Variants in ACSF3 observed in about 807,000 individuals in gnomAD.
ACSF3 encodes acyl-CoA synthetase family member 3, also known as malonate--CoA ligase ACSF3, mitochondrial.
A neutral mutation model predicts 53.2 loss-of-function variants in ACSF3; 78 were observed. The observed-to-expected ratio is 1.47, with a 90% confidence interval of 1.22 to 1.77. The LOEUF (loss-of-function observed/expected upper bound fraction) is 1.77. Among genes scored for constraint, ACSF3 ranks in the 40% most tolerant of loss-of-function variants. ACSF3 has a pLI of 0.00. For synonymous variants in ACSF3, 414 were observed against 333.1 expected, an observed-to-expected ratio of 1.24 and a Z score of -2.65; for missense variants, 937 against 771.1, an observed-to-expected ratio of 1.22 and a Z score of -2.55.
chr16:89,141,827 A>G (rs916942551), intron 8 of ACSF3, among the ~76,000 whole-genome samples: 1 of 152,152 alleles, frequency 6.6e-6, no homozygotes, highest in African/African-American at 2.4e-5. Flanking sequence ...AGGGCCCTGC[A>G]CGCCACACAC....
chr16:89,127,144 A>T (rs1419078467), intron 7 of ACSF3, among the ~76,000 whole-genome samples: 4 of 151,970 alleles, frequency 2.6e-5, no homozygotes, highest in Non-Finnish European at 5.9e-5. Flanking sequence ...GTATTTTTGC[A>T]TCTGTATTCA....
rs889318152 is a variant in ACSF3 at position 89,118,842 on chromosome 16, G to A, written c.1127-1959G>A. Among the ~76,000 whole-genome samples the A allele has an allele frequency of 2.6e-5, 4 of 152,204 alleles. No individual in the cohort carries two copies. The East Asian group carries it at 5.8e-4, about 22-fold the overall frequency. The stretch of plus-strand genomic sequence containing the variant: ...GCTGGCTGACAGCGATTTTAGAGGT[G>A]GGCTGTGGCAGGAAGGCAGTGCCCC... On this transcript the variant is annotated intron_variant, in intron 6 of 10. Coordinates refer to ENST00000614302, the MANE Select transcript of ACSF3 (RefSeq NM_001243279.3).
At chr16:89,128,401 T>C (rs7197285) in intron 7 of ACSF3, among the ~76,000 whole-genome samples, 138,389 of 151,736 alleles carry the variant, frequency 0.91, 63,871 homozygotes, top group Non-Finnish European at 0.96. Context: ...GCTGGGAGTA[T>C]AGGCATGCGC....
At chr16:89,135,873 C>A (rs181964036) in intron 8 of ACSF3, among the ~76,000 whole-genome samples, 1 of 152,378 alleles carries the variant, frequency 6.6e-6, no homozygotes, top group East Asian at 1.9e-4. Context: ...CTCTCGGGTT[C>A]AAGCAATTCT....
At position 89,102,525 on chromosome 16, in the gene ACSF3, C is replaced by T. The variant is rs1597897415; in HGVS notation, c.667-79C>T. 3 of 1,559,302 alleles carry T rather than the reference C, an allele frequency of 1.9e-6. 1 individual carries two copies. The highest frequency in any genetic ancestry group is 1.3e-5 in the African/African-American group (1 of 74,084). On this transcript the variant is annotated intron_variant, in intron 3 of 10. Transcript: ENST00000614302. ...CAGTGGGGAGGCCCAGAGCTCCTTTCCGTGAGCCCGAGGTCTGTGTGTGCT... is the reference window on the plus strand; with the variant it reads ...CAGTGGGGAGGCCCAGAGCTCCTTTTCGTGAGCCCGAGGTCTGTGTGTGCT...
chr16:89,108,399 A>G (rs967669669), intron 4 of ACSF3, among the ~76,000 whole-genome samples: 2 of 152,328 alleles, frequency 1.3e-5, no homozygotes, highest in Admixed American at 6.5e-5. Flanking sequence ...GCTGACAACA[A>G]ATCCCTCAAT....
chr16:89,102,251 T>G (rs1597896268), intron 3 of ACSF3: 3 of 360,324 alleles, frequency 8.3e-6, no homozygotes, highest in Non-Finnish European at 1.6e-5. Context: ...GGGCTGGGAG[T>G]CGATTCCAGC....
At chr16:89,115,106 T>C (rs936584763) in intron 6 of ACSF3, 1 of 214,870 alleles carries the variant, frequency 4.7e-6, no homozygotes, top group Non-Finnish European at 9.6e-6. Context: ...ACCCTGCTGC[T>C]TTCTGCGCAG....
intron 10 of ACSF3, 27 bp from the exon 11 acceptor site, chr16:89,154,063 C>G (rs562010787): frequency 3.7e-6 from 6 of 1,604,004 alleles, no homozygotes; most frequent in Non-Finnish European, 5.1e-6. Context: ...CAGGGCAGTG[C>G]GCCTCAGGCT....
intron 6 of ACSF3, among the ~76,000 whole-genome samples, chr16:89,117,280 A>G (rs573169332): frequency 3.9e-5 from 6 of 152,310 alleles, no homozygotes; most frequent in East Asian, 1.9e-4. Flanking sequence ...CGATGGGGTC[A>G]TATTTTGCAC....
intron 4 of ACSF3, among the ~76,000 whole-genome samples, chr16:89,110,478 G>A (rs1443432446): frequency 6.6e-6 from 1 of 152,154 alleles, no homozygotes; most frequent in African/African-American, 2.4e-5. Context: ...CTGTGCATTC[G>A]TTTATTTCTG....
chr16:89,098,686 C>T lies in ACSF3; in HGVS notation c.-98C>T. On this transcript the variant is annotated 5_prime_UTR_variant, in exon 2 of 11. Transcript: ENST00000614302. ...GCCTGCACCTTATCGTGCCCTTCCA[C>T]CTGCTGAAGCAGCTGTGCCTGCCGC... 2.2e-6 allele frequency: 1 copy of T among 454,164 alleles called. No homozygotes were observed. Among genetic ancestry groups the T allele is most frequent in the Non-Finnish European group, 4.4e-6 (1 of 226,798 alleles). The allele number at this position is 454,164 out of a possible 1,614,324, so 28.1% of individuals were successfully genotyped here.
At chr16:89,136,559 C>T (rs1306293646) in intron 8 of ACSF3, 2 of 1,275,034 alleles carry the variant, frequency 1.6e-6, no homozygotes, top group East Asian at 5.7e-5. Context: ...GCCCCTCCTG[C>T]CACACGGATT....
intron 5 of ACSF3, among the ~76,000 whole-genome samples, chr16:89,112,926 G>A (rs531068251): frequency 6.6e-6 from 1 of 152,284 alleles, no homozygotes; most frequent in South Asian, 2.1e-4. Flanking sequence ...TCTCAGCCCC[G>A]CTCCTCCCCT....
At chr16:89,130,229 T>C (rs74484101) in intron 7 of ACSF3, among the ~76,000 whole-genome samples, 3,404 of 152,302 alleles carry the variant, frequency 0.022, 105 homozygotes, top group East Asian at 0.13. Flanking sequence ...GATATTTTCA[T>C]TGGATTAGGA....
At chr16:89,150,850 G>C in intron 10 of ACSF3, 1 of 570,898 alleles carries the variant, frequency 1.8e-6, no homozygotes, top group Non-Finnish European at 2.7e-6. Flanking sequence ...CTCAGGCTGA[G>C]ACTGCAGTGC....
rs571061615 is a variant in ACSF3, at chr16:89,127,567, A to G, written c.1240-5569A>G. 3.3e-5 allele frequency among the ~76,000 whole-genome samples: 5 copies of G among 152,094 alleles called. No homozygotes were observed. In the East Asian group the frequency reaches 5.8e-4, roughly 18 times the overall value. ...TTTTTGTAGAGTTGGGGGTCTCACT[A>G]TATTGCCCAGGCTGATCTTGAACTC... On this transcript the variant is annotated intron_variant, in intron 7 of 10. Transcript: ENST00000614302.
At chr16:89,118,084 GCT>G (rs1416185731) in intron 6 of ACSF3, among the ~76,000 whole-genome samples, 1 of 142,614 alleles carries the variant, frequency 7.0e-6, no homozygotes, top group Non-Finnish European at 1.5e-5. Flanking sequence ...CGCCGGGGAC[GCT>G]CTCTCTTCTC....
chr16:89,102,557 G>A, intron 3 of ACSF3, 47 bp from the exon 4 acceptor site: 1 of 1,609,570 alleles, frequency 6.2e-7, no homozygotes, highest in East Asian at 2.2e-5. Flanking sequence ...TGCTGTTGCG[G>A]GCCACAGTCT....
Sources: allele counts gnomAD v4.1 joint callset (sites outside exome capture counted in the v4.1 genomes callset), GRCh38; gene constraint gnomAD v4.1.1; transcripts MANE v1.5; gene names NCBI Gene and HGNC (gene_info 2026-07-23, HGNC 2026-07-21).